ADCY3: variants seen among roughly 807,000 people sequenced by gnomAD.
The protein encoded by ADCY3 is adenylate cyclase type 3.
ADCY3 carries 70 observed loss-of-function variants against 119.4 expected under a neutral mutation model. That is an observed-to-expected ratio of 0.59 (90% CI 0.48 to 0.72). The LOEUF is 0.72. ADCY3 is among the 30% of genes least tolerant of loss of function. The pLI is 0.00. For synonymous variants in ADCY3, 672 were observed against 621.4 expected (o/e 1.08, Z -1.21); for missense variants, 1,238 against 1,541.6 (o/e 0.80, Z 3.30).
intron 3 of ADCY3, among the ~76,000 whole-genome samples, chr2:24,846,739 C>T (rs1006576113): frequency 3.3e-5 from 5 of 152,152 alleles, no homozygotes; most frequent in South Asian, 2.1e-4. Flanking sequence ...CCCCCATGCC[C>T]GGCTAATTTT....
chr2:24,821,738 C>A, intron 19 of ADCY3, 98 bp from the exon 20 acceptor site: 1 of 1,517,634 alleles, frequency 6.6e-7, no homozygotes, highest in Non-Finnish European at 8.9e-7. Flanking sequence ...GGATTCCCTA[C>A]ACCTAGATGT....
chr2:24,819,800 A>G lies in ADCY3; in HGVS notation c.*132T>C. The G allele has an allele frequency of 1.0e-6, 1 of 974,148 alleles. No homozygotes were observed. Among genetic ancestry groups the G allele is most frequent in the East Asian group, 2.7e-5 (1 of 36,988 alleles). The allele number at this position is 974,148 out of a possible 1,614,324, so 60.3% of individuals were successfully genotyped here. A position where few individuals can be genotyped will look rare whatever the true frequency, so the allele number is the denominator to read the frequency against. ...CTCAGAGCTCACACATCCACGAACA[A>G]ATGAAGGCTGAGGAGGTTTCTAAAC... On this transcript the variant is annotated 3_prime_UTR_variant, in exon 22 of 22. Transcript: ENST00000679454.
At position 24,872,788 on chromosome 2, in the gene ADCY3, AG is replaced by A; in HGVS notation, c.676-70del. 1 of 1,554,612 alleles carries A rather than the reference AG, an allele frequency of 6.4e-7. No individual in the cohort carries two copies. The highest frequency in any genetic ancestry group is 8.8e-7 in the Non-Finnish European group (1 of 1,139,760). ...ACGTCTTCAGAAAAGGGGATGGAGAAGGGGATGGAGGAGGTGGGGTGGGTGG... is the reference window on the plus strand; with the variant it reads ...ACGTCTTCAGAAAAGGGGATGGAGAAGGGATGGAGGAGGTGGGGTGGGTGG... On this transcript the variant is annotated intron_variant, in intron 2 of 21. Coordinates refer to ENST00000679454, the MANE Select transcript of ADCY3 (RefSeq NM_004036.5). This position sits in a 1 kb window ranked among gnomAD's most constrained non-coding sequence, Gnocchi z 4.4.
chr2:24,864,472 GA>G (rs143803422), intron 3 of ADCY3, among the ~76,000 whole-genome samples: 4,737 of 152,260 alleles, frequency 0.031, 113 homozygotes, highest in African/African-American at 0.06. Context: ...CAAAGCCGCA[GA>G]AAACACCCAA....
At chr2:24,850,451 T>A (rs552530735) in intron 3 of ADCY3, among the ~76,000 whole-genome samples, 1 of 152,090 alleles carries the variant, frequency 6.6e-6, no homozygotes, top group Non-Finnish European at 1.5e-5. Flanking sequence ...GGTCCCACAG[T>A]GGGGGACAGG....
At position 24,836,941 on chromosome 2, in the gene ADCY3, C is replaced by T. The variant is rs752099546; in HGVS notation, c.1638G>A (p.Glu546=). ...GSAHSSGSTS[E]KPEEQDAQAD... Reference sequence around the variant, plus strand: ...CCTGGGCATCCTGCTCCTCGGGCTTCTCCGACGTGGACCCACTGCTGTGGG... The same window carrying T: ...CCTGGGCATCCTGCTCCTCGGGCTTTTCCGACGTGGACCCACTGCTGTGGG... Residue 546 remains glutamate, a synonymous_variant, in exon 9 of 22, where the codon GAG becomes GAA. Coordinates refer to ENST00000679454, the MANE Select transcript of ADCY3 (RefSeq NM_004036.5). The T allele has an allele frequency of 2.5e-6, 4 of 1,613,552 alleles. No individual in the cohort carries two copies. The highest frequency in any genetic ancestry group is 3.4e-6 in the Non-Finnish European group (4 of 1,180,000).
intron 3 of ADCY3, among the ~76,000 whole-genome samples, chr2:24,853,594 C>G (rs548698225): frequency 6.6e-6 from 1 of 151,644 alleles, no homozygotes; most frequent in South Asian, 2.1e-4. Flanking sequence ...CTCAGCCTCC[C>G]GAGTAGGTGG....
At chr2:24,839,247 C>A (rs948277339) in intron 7 of ADCY3, among the ~76,000 whole-genome samples, 4 of 152,148 alleles carry the variant, frequency 2.6e-5, no homozygotes, top group Non-Finnish European at 5.9e-5. Flanking sequence ...CAATTATCCC[C>A]CACCTTGCAC....
rs1127568 is a variant in ADCY3 at position 24,823,221 on chromosome 2, T to C, written c.2871A>G (p.Ser957=). 1,090,290 of 1,611,864 alleles carry C rather than the reference T, an allele frequency of 0.68. 371,410 individuals are homozygous for C. Among genetic ancestry groups the C allele is most frequent in the East Asian group, 0.88 (39,309 of 44,842 alleles). The change falls in exon 18 of 22, where the codon TCA becomes TCG. Residue 957 remains serine, a synonymous_variant. Coordinates refer to ENST00000679454, the MANE Select transcript of ADCY3 (RefSeq NM_004036.5). The part of the protein sequence containing the change: ...ECLRFLNEII[S]DFDSLLDNPK... The stretch of plus-strand genomic sequence containing the variant: ...GATGGGCACTCACAGAGTCAAAATC[T>C]GAGATGATTTCATTGAGGAAACGCA...
Position 24,837,038 on chromosome 2 carries a change from G to A in ADCY3, c.1541C>T (p.Pro514Leu), listed in dbSNP as rs1303194617. The stretch of plus-strand genomic sequence containing the variant: ...CTTTGAGGAAGCTGGTGCTCCATTG[G>A]GCAGGGCCTAGAGGAAAGGAGAGCT... Reference protein sequence around the residue: ...TQNGLNGSALPNGAPASSKSS... With the variant: ...TQNGLNGSALLNGAPASSKSS... Residue 514 changes from proline to leucine, a missense_variant, in exon 9 of 22, where the codon CCC becomes CTC. Pro to Leu is a moderately conservative substitution (Grantham distance 98). Around this residue, in one of 7 missense-constraint regions of ADCY3, gnomAD observed 499 missense variants for 571.0 expected, o/e 0.87. Coordinates refer to ENST00000679454, the MANE Select transcript of ADCY3 (RefSeq NM_004036.5). 6.2e-7 allele frequency: 1 copy of A among 1,613,988 alleles called. No individual in the cohort carries two copies. Among genetic ancestry groups the A allele is most frequent in the Non-Finnish European group, 8.5e-7 (1 of 1,179,974 alleles).
In ADCY3 at chr2:24,834,418, C is replaced by CGGGG; in HGVS notation, c.1967+66_1967+67insCCCC. 1 of 881,500 alleles carries CGGGG rather than the reference C, an allele frequency of 1.1e-6. No homozygotes were observed. The highest frequency in any genetic ancestry group is 1.7e-6 in the Non-Finnish European group (1 of 594,368). 54.6% of individuals were successfully genotyped at this position (881,500 alleles called of 1,614,324 possible). ...TGTCAGGCTCCCGCTGAGACACCTGCCCCCGCCCCCCGCCCGGCACCACCG... is the reference window on the plus strand; with the variant it reads ...TGTCAGGCTCCCGCTGAGACACCTGCGGGGCCCCGCCCCCCGCCCGGCACCACCG... On this transcript the variant is annotated intron_variant, in intron 11 of 21. Transcript: ENST00000679454. This position sits in a 1 kb window ranked among gnomAD's most constrained non-coding sequence, Gnocchi z 4.2.
At chr2:24,874,884 T>C (rs1359115349) in intron 2 of ADCY3, among the ~76,000 whole-genome samples, 1 of 152,160 alleles carries the variant, frequency 6.6e-6, no homozygotes, top group Non-Finnish European at 1.5e-5. Flanking sequence ...ATGAAAGAAA[T>C]ACTGTCCTAC....
intron 6 of ADCY3, 54 bp from the exon 7 acceptor site, chr2:24,840,085 A>G: frequency 2.6e-6 from 4 of 1,564,420 alleles, no homozygotes; most frequent in Non-Finnish European, 3.5e-6. Context: ...CGAGGCAGCC[A>G]GCTGCCCCTG....
At chr2:24,849,270 C>T (rs914857619) in intron 3 of ADCY3, among the ~76,000 whole-genome samples, 13 of 152,150 alleles carry the variant, frequency 8.5e-5, no homozygotes, top group Admixed American at 8.5e-4. Flanking sequence ...GCTCCATGCC[C>T]CTGACCACAG....
intron 11 of ADCY3, among the ~76,000 whole-genome samples, chr2:24,832,547 G>A (rs1189769876): frequency 6.6e-6 from 1 of 152,116 alleles, no homozygotes; most frequent in Non-Finnish European, 1.5e-5. Flanking sequence ...TCCCTGGAAG[G>A]TGTCCTTGCC....
At chr2:24,820,455 A>G (rs1572761173) in intron 21 of ADCY3, 3 of 1,331,344 alleles carry the variant, frequency 2.3e-6, no homozygotes, top group Non-Finnish European at 1.9e-6. Context: ...GACGCCACTG[A>G]GACAGATCAC....
chr2:24,826,961 C>A (rs924714488), intron 15 of ADCY3, among the ~76,000 whole-genome samples: 1 of 152,204 alleles, frequency 6.6e-6, no homozygotes. Context: ...GATGGTATCT[C>A]ACTAGGGTGT....
intron 2 of ADCY3, among the ~76,000 whole-genome samples, chr2:24,897,770 C>A (rs1430711955): frequency 6.6e-6 from 1 of 152,194 alleles, no homozygotes; most frequent in Admixed American, 6.5e-5. Context: ...ATGCTGAGCA[C>A]CAGCAGGCCC....
At chr2:24,847,435 C>T (rs1250547295) in intron 3 of ADCY3, among the ~76,000 whole-genome samples, 1 of 152,174 alleles carries the variant, frequency 6.6e-6, no homozygotes, top group Non-Finnish European at 1.5e-5. Context: ...AGCAATATCT[C>T]TTCACTGTTA....
Sources: gnomAD v4.1 joint callset for allele counts (sites outside exome capture counted in the v4.1 genomes callset) on GRCh38, gnomAD v4.1.1 for gene constraint, gnomAD v4.1.1 regional missense constraint, Gnocchi (gnomAD v3.1) non-coding constraint, MANE v1.5 for transcripts, NCBI Gene and HGNC (gene_info 2026-07-23, HGNC 2026-07-21) for gene names.